Variants in NUP214 observed in about 807,000 individuals in gnomAD.
NUP214 encodes the protein nucleoporin 214.
Under a neutral mutation model 196.2 loss-of-function variants are expected in NUP214, and 79 were observed. That is an observed-to-expected ratio of 0.40 (90% CI 0.34 to 0.49). The LOEUF (loss-of-function observed/expected upper bound fraction) is 0.49, where lower values mean the gene tolerates loss of function less well. NUP214 is among the 20% of genes least tolerant of loss of function. The probability of loss-of-function intolerance (pLI) is 0.58; values close to 1 mark genes in which losing one functional copy is unlikely to be tolerated. For missense variants in NUP214, 2,468 were observed against 2,539.0 expected (o/e 0.97, Z 0.60); for synonymous variants, 1,020 against 990.5 (o/e 1.03, Z -0.56).
chr9:131,224,331 G>C (rs1428072623), intron 32 of NUP214, among the ~76,000 whole-genome samples: 3 of 152,144 alleles, frequency 2.0e-5, no homozygotes, highest in Non-Finnish European at 4.4e-5. Flanking sequence ...TTCTGTCTCT[G>C]AGATCTGCGG....
In NUP214 at chr9:131,188,680, TG is replaced by T. The variant is rs1457450254; in HGVS notation, c.3496-372del. 5.3e-5 allele frequency among the ~76,000 whole-genome samples: 8 copies of T among 152,368 alleles called. No homozygotes were observed. The East Asian group carries it at 1.5e-3, about 29-fold the overall frequency. ...AAGTCAGTTTTGCTTTTAACCTTATTGTACATGCTTTGAGAGCTAGAACCAT... is the reference window on the plus strand; with the variant it reads ...AAGTCAGTTTTGCTTTTAACCTTATTTACATGCTTTGAGAGCTAGAACCAT... On this transcript the variant is annotated intron_variant, in intron 25 of 35. Coordinates refer to ENST00000359428, the MANE Select transcript of NUP214 (RefSeq NM_005085.4).
intron 32 of NUP214, among the ~76,000 whole-genome samples, chr9:131,226,083 G>GCAC (rs1053809027): frequency 1.3e-5 from 2 of 152,142 alleles, no homozygotes; most frequent in Admixed American, 6.5e-5. Flanking sequence ...CCCAGCTCTA[G>GCAC]CACCCATCAG....
rs190857541 is a variant in NUP214, at chr9:131,129,371, C to G, written c.486C>G (p.Pro162=). Residue 162 remains proline, a synonymous_variant, in exon 4 of 36, where the codon CCC becomes CCG. Transcript: ENST00000359428. ...ATATGAAGTGGAACCCCACTGTCCC[C>G]TCCATGGTGGCAGTTTGTCTGGCTG... ...VIDMKWNPTV[P]SMVAVCLADG... is the part of the protein sequence containing the mutation. 2.8e-5 allele frequency: 45 copies of G among 1,614,220 alleles called. No homozygotes were observed. In the African/African-American group the frequency reaches 5.6e-4, roughly 20 times the overall value.
At chr9:131,211,044 A>G (rs1834228144) in intron 30 of NUP214, among the ~76,000 whole-genome samples, 1 of 152,262 alleles carries the variant, frequency 6.6e-6, no homozygotes, top group Non-Finnish European at 1.5e-5. Flanking sequence ...CTTAGCTAGT[A>G]AATTGTAGAA....
chr9:131,178,719 T>A (rs760701856), intron 24 of NUP214, among the ~76,000 whole-genome samples: 6,041 of 151,286 alleles, frequency 0.04, 159 homozygotes, highest in African/African-American at 0.076. Flanking sequence ...TTTTTTTTTT[T>A]AATGCCCTAG....
intron 23 of NUP214, chr9:131,175,866 GT>G (rs1833099795): frequency 4.3e-6 from 2 of 464,890 alleles, no homozygotes; most frequent in Non-Finnish European, 7.0e-6. Flanking sequence ...AATCAGTGGG[GT>G]TTGTTTTTTT....
chr9:131,192,195 T>TTTTC lies in NUP214; in HGVS notation c.3575-13_3575-12insTTTC. ...TTTTTTTTTTTTTTTTTTTTTTTTT[T>TTTTC]CCATAATTTCAGGGACAGCCAAGAT... On this transcript the variant is annotated splice_polypyrimidine_tract_variant and intron_variant, in intron 26 of 35. Transcript: ENST00000359428. The TTTTC allele has an allele frequency of 3.3e-6, 4 of 1,224,628 alleles. No homozygotes were observed. Among genetic ancestry groups the TTTTC allele is most frequent in the East Asian group, 2.5e-5 (1 of 40,364 alleles). 75.9% of individuals were successfully genotyped at this position (1,224,628 alleles called of 1,614,324 possible).
intron 19 of NUP214, among the ~76,000 whole-genome samples, chr9:131,163,569 T>C (rs1322625033): frequency 6.6e-6 from 1 of 152,182 alleles, no homozygotes; most frequent in African/African-American, 2.4e-5. Context: ...CCCTGGCAGA[T>C]TGACAGTTTG....
Position 131,159,419 on chromosome 9 carries a change from G to A in NUP214, c.2473G>A (p.Val825Ile), listed in dbSNP as rs1272052980. Residue 825 changes from valine (V) to isoleucine (I), a missense_variant, in exon 18 of 36, where the codon GTC becomes ATC. Coordinates refer to ENST00000359428, the MANE Select transcript of NUP214 (RefSeq NM_005085.4). ...RRLHQYVKFA[V>I]QDVNDVLDLE... ...CCTTCATCAGTATGTGAAATTTGCT[G>A]TCCAAGATGTGAATGATGTTCTAGA... 2 of 1,613,906 alleles carry A rather than the reference G, an allele frequency of 1.2e-6. No individual in the cohort carries two copies. Among genetic ancestry groups the A allele is most frequent in the Non-Finnish European group, 1.7e-6 (2 of 1,179,996 alleles).
Position 131,230,660 on chromosome 9 carries a change from C to A in NUP214, c.6105C>A (p.Phe2035Leu). 1.2e-6 allele frequency: 2 copies of A among 1,614,114 alleles called. No homozygotes were observed. The highest frequency in any genetic ancestry group is 1.7e-6 in the Non-Finnish European group (2 of 1,180,008). Residue 2035 changes from phenylalanine to leucine, a missense_variant, in exon 34 of 36, where the codon TTC becomes TTA. Phe to Leu is a conservative substitution (Grantham distance 22). Transcript: ENST00000359428. ...GFGSSSNTTS[F>L]GTLASQNAPT... Reference sequence around the variant, plus strand: ...GGAGCAGCAGCAACACCACATCCTTCGGCACGCTCGCGAGTCAGAATGCCC... The same window carrying A: ...GGAGCAGCAGCAACACCACATCCTTAGGCACGCTCGCGAGTCAGAATGCCC...
At chr9:131,205,896 T>A (rs1564210179) in intron 30 of NUP214, among the ~76,000 whole-genome samples, 1 of 152,194 alleles carries the variant, frequency 6.6e-6, no homozygotes, top group African/African-American at 2.4e-5. Context: ...TTGGCCAGGC[T>A]GGCCTTGAAC....
Position 131,198,260 on chromosome 9 carries a change from C to T in NUP214, c.4766C>T (p.Ser1589Phe). The T allele has an allele frequency of 6.2e-7, 1 of 1,614,248 alleles. No individual in the cohort carries two copies. Among genetic ancestry groups the T allele is most frequent in the Non-Finnish European group, 8.5e-7 (1 of 1,180,046 alleles). Residue 1589 changes from serine to phenylalanine, a missense_variant, in exon 29 of 36, where the codon TCT (serine) becomes TTT (phenylalanine). Coordinates refer to ENST00000359428, the MANE Select transcript of NUP214 (RefSeq NM_005085.4). Reference protein sequence around the residue: ...TEAVPPASSFSVPGQTAVTAA... With the variant: ...TEAVPPASSFFVPGQTAVTAA... ...GCAGTACCACCTGCTTCCTCCTTTT[C>T]TGTGCCTGGGCAGACTGCTGTCACA...
At chr9:131,228,490 T>A in intron 33 of NUP214, 159 bp downstream of exon 33, 1 of 621,918 alleles carries the variant, frequency 1.6e-6, no homozygotes, top group African/African-American at 1.9e-5. Flanking sequence ...CTCTCCAGGG[T>A]AAGACTCATT....
intron 8 of NUP214, 28 bp from the exon 9 acceptor site, chr9:131,135,912 G>A (rs772721878): frequency 2.2e-5 from 36 of 1,600,712 alleles, no homozygotes; most frequent in Non-Finnish European, 2.9e-5. Flanking sequence ...GTATTTGAAC[G>A]TAATGGTCTC....
At chr9:131,133,661 C>T (rs1334162496) in intron 7 of NUP214, 1 of 152,422 alleles carries the variant, frequency 6.6e-6, no homozygotes, top group Non-Finnish European at 1.5e-5. Flanking sequence ...TATAAGGTTT[C>T]CATGCTGCAC....
At chr9:131,139,229 G>A (rs553211390) in intron 9 of NUP214, 52 bp from the exon 10 acceptor site, 3 of 1,433,862 alleles carry the variant, frequency 2.1e-6, no homozygotes, top group Non-Finnish European at 2.7e-6. Context: ...AACCAACATG[G>A]CTTTTTCTTT....
chr9:131,147,107 C>G (rs1022931342), intron 13 of NUP214, among the ~76,000 whole-genome samples: 1 of 152,026 alleles, frequency 6.6e-6, no homozygotes, highest in African/African-American at 2.4e-5. Flanking sequence ...CCACCTTAGC[C>G]TCCTGAGTAG....
chr9:131,139,269 TTTTTTTTTTA>T lies in NUP214; in HGVS notation c.1006-11_1006-2del. The T allele has an allele frequency of 7.4e-7, 1 of 1,358,216 alleles. No homozygotes were observed. Among genetic ancestry groups the T allele is most frequent in the South Asian group, 1.9e-5 (1 of 51,836 alleles). 84.1% of individuals were successfully genotyped at this position (1,358,216 alleles called of 1,614,324 possible). A position where few individuals can be genotyped will look rare whatever the true frequency, so the allele number is the denominator to read the frequency against. The stretch of plus-strand genomic sequence containing the variant: ...TTCTTCTTCTTCTTTTTTTTTTTTT[TTTTTTTTTTA>T]GATTAATTGGGAATCTTGGCTACTG... On this transcript the variant is annotated splice_acceptor_variant and splice_polypyrimidine_tract_variant and intron_variant, in intron 9 of 35. Coordinates refer to ENST00000359428, the MANE Select transcript of NUP214 (RefSeq NM_005085.4). LOFTEE classifies it high-confidence loss of function.
intron 13 of NUP214, 137 bp from the exon 14 acceptor site, chr9:131,147,353 C>T: frequency 4.5e-6 from 3 of 667,250 alleles, no homozygotes; most frequent in Non-Finnish European, 7.9e-6. Flanking sequence ...GTGGTCATCA[C>T]TCTTTAAAAT....
Sources: allele counts gnomAD v4.1 joint callset (sites outside exome capture counted in the v4.1 genomes callset), GRCh38; gene constraint gnomAD v4.1.1; transcripts MANE v1.5; gene names NCBI Gene and HGNC (gene_info 2026-07-23, HGNC 2026-07-21).